The following ADAMTSL1 variants were observed in gnomAD, a reference collection of about 807,000 sequenced individuals.
ADAMTSL1 encodes the protein ADAMTS like 1.
In ADAMTSL1, 126 loss-of-function variants were observed where a neutral mutation model predicts 201.8. The observed-to-expected ratio is 0.62, with a 90% confidence interval of 0.54 to 0.72. The LOEUF (loss-of-function observed/expected upper bound fraction) is 0.72, where lower values mean the gene tolerates loss of function less well. Among genes scored for constraint, ADAMTSL1 ranks in the 30% least tolerant of loss-of-function variants. The pLI is 0.00. For synonymous variants in ADAMTSL1, 1,121 were observed against 903.4 expected (o/e 1.24, Z -4.32); for missense variants, 2,679 against 2,277.8 (o/e 1.18, Z -3.59).
intron 2 of ADAMTSL1, among the ~76,000 whole-genome samples, chr9:18,262,864 A>T (rs181530769): frequency 6.6e-6 from 1 of 152,240 alleles, no homozygotes; most frequent in Non-Finnish European, 1.5e-5. Flanking sequence ...TTGCACCAGG[A>T]TCCACACTGA....
chr9:18,414,064 G>A (rs1818567225), intron 2 of ADAMTSL1, among the ~76,000 whole-genome samples: 1 of 152,098 alleles, frequency 6.6e-6, no homozygotes. Flanking sequence ...GGTACAGCTG[G>A]TATTTTTAAT....
intron 2 of ADAMTSL1, among the ~76,000 whole-genome samples, chr9:18,186,822 A>G (rs1828755100): frequency 6.9e-6 from 1 of 144,796 alleles, no homozygotes; most frequent in Non-Finnish European, 1.5e-5. Context: ...GTGCCTTCTT[A>G]TCACTGTACA....
At position 18,776,842 on chromosome 9, in the gene ADAMTSL1, A is replaced by C. The variant is rs1549986; in HGVS notation, c.2613A>C (p.Ile871=). The change falls in exon 19 of 29, where the codon ATA becomes ATC. Residue 871 remains isoleucine, a synonymous_variant. Coordinates refer to ENST00000380548, the MANE Select transcript of ADAMTSL1 (RefSeq NM_001040272.6). ...PHIAAARKVY[I]QTRRQRKLHF... Reference sequence around the variant, plus strand: ...TCGCGGCCGCCAGGAAGGTCTACATACAGACTCGCAGGCAGAGGAAGCTGC... The same window carrying C: ...TCGCGGCCGCCAGGAAGGTCTACATCCAGACTCGCAGGCAGAGGAAGCTGC... 1,481,658 of 1,599,046 alleles carry C rather than the reference A, an allele frequency of 0.93. 686,968 individuals are homozygous for C. Among genetic ancestry groups the C allele is most frequent in the East Asian group, 1 (43,976 of 43,982 alleles).
intron 1 of ADAMTSL1, among the ~76,000 whole-genome samples, chr9:17,968,119 G>A (rs962654944): frequency 1.3e-5 from 2 of 152,066 alleles, no homozygotes; most frequent in African/African-American, 4.8e-5. Context: ...CTCTGAAATG[G>A]AACCTATGGA....
chr9:18,670,452 G>T (rs1179496976), intron 9 of ADAMTSL1, among the ~76,000 whole-genome samples: 1 of 152,158 alleles, frequency 6.6e-6, no homozygotes, highest in Non-Finnish European at 1.5e-5. Flanking sequence ...ACCCCCGCTT[G>T]CCTGAACAGC....
chr9:18,712,361 G>C (rs1832671154), intron 14 of ADAMTSL1, among the ~76,000 whole-genome samples: 1 of 152,002 alleles, frequency 6.6e-6, no homozygotes, highest in African/African-American at 2.4e-5. Context: ...AAAAGATTTA[G>C]AAGAATGTAT....
chr9:18,121,323 C>G (rs898209292), intron 1 of ADAMTSL1, among the ~76,000 whole-genome samples: 1 of 152,100 alleles, frequency 6.6e-6, no homozygotes, highest in African/African-American at 2.4e-5. Flanking sequence ...GACAGTTACA[C>G]CGACAAAAAA....
intron 1 of ADAMTSL1, among the ~76,000 whole-genome samples, chr9:18,027,182 CT>C (rs1820736986): frequency 6.6e-6 from 1 of 150,416 alleles, no homozygotes; most frequent in African/African-American, 2.4e-5. Context: ...TTCATTGGTC[CT>C]TTGTATAGAT....
chr9:18,495,472 C>T (rs185651187), intron 1 of ADAMTSL1, among the ~76,000 whole-genome samples: 46 of 152,262 alleles, frequency 3.0e-4, no homozygotes, highest in African/African-American at 1.0e-3. Context: ...AGCCCCAGAG[C>T]ACCTCCTAGA....
Position 18,777,553 on chromosome 9 carries a change from C to G in ADAMTSL1, c.3324C>G (p.Ile1108Met), listed in dbSNP as rs781580594. 5.0e-6 allele frequency: 8 copies of G among 1,605,374 alleles called. No individual in the cohort carries two copies. The East Asian group carries it at 6.8e-5, about 14-fold the overall frequency. Residue 1108 changes from isoleucine to methionine, a missense_variant, in exon 19 of 29, where the codon ATC becomes ATG. Ile to Met is a conservative substitution (Grantham distance 10). Transcript: ENST00000380548. ...KHLVAQLAQE[I>M]FRSHLEHQDT... ...TGGTGGCCCAGCTGGCCCAGGAGAT[C>G]TTCCGCAGCCACCTGGAGCACCAGG...
intron 1 of ADAMTSL1, among the ~76,000 whole-genome samples, chr9:17,999,904 G>T (rs4007670): frequency 9.4e-5 from 14 of 149,532 alleles, no homozygotes; most frequent in South Asian, 4.3e-4. Context: ...GATTTCCAAT[G>T]TCATCCATGT....
At chr9:18,687,663 G>C (rs1425020838) in intron 13 of ADAMTSL1, among the ~76,000 whole-genome samples, 2 of 152,214 alleles carry the variant, frequency 1.3e-5, no homozygotes, top group African/African-American at 4.8e-5. Context: ...AGCTTATGAA[G>C]ATAACCTTGT....
At chr9:18,145,646 T>C (rs1826607648) in intron 1 of ADAMTSL1, among the ~76,000 whole-genome samples, 1 of 152,172 alleles carries the variant, frequency 6.6e-6, no homozygotes, top group Admixed American at 6.6e-5. Flanking sequence ...TGCAAACCTA[T>C]GAAATTCCTT....
At position 18,619,423 on chromosome 9, in the gene ADAMTSL1, C is replaced by A. The variant is rs556358802; in HGVS notation, c.475-2820C>A. 2.3e-4 allele frequency among the ~76,000 whole-genome samples: 35 copies of A among 150,990 alleles called. No individual in the cohort carries two copies. The East Asian group carries it at 6.7e-3, about 29-fold the overall frequency. On this transcript the variant is annotated intron_variant, in intron 4 of 28. Coordinates refer to ENST00000380548, the MANE Select transcript of ADAMTSL1 (RefSeq NM_001040272.6). The stretch of plus-strand genomic sequence containing the variant: ...ACAGAGAAAAGGAAGAAAAAAAAAA[C>A]AATTGTGTCAGGGAGATGTTAGTCT...
At chr9:18,292,294 G>A (rs992559816) in intron 2 of ADAMTSL1, among the ~76,000 whole-genome samples, 1 of 152,108 alleles carries the variant, frequency 6.6e-6, no homozygotes, top group Non-Finnish European at 1.5e-5. Flanking sequence ...GTAATTGGCA[G>A]AGGCCTTGGC....
intron 4 of ADAMTSL1, among the ~76,000 whole-genome samples, chr9:18,584,499 A>G (rs552957382): frequency 8.1e-4 from 123 of 152,286 alleles, no homozygotes; most frequent in African/African-American, 2.8e-3. Flanking sequence ...TTTCCACTCA[A>G]TGGCAGAAAA....
intron 2 of ADAMTSL1, among the ~76,000 whole-genome samples, chr9:18,211,789 T>C (rs368271627): frequency 7.2e-5 from 11 of 152,210 alleles, no homozygotes; most frequent in African/African-American, 2.4e-4. Flanking sequence ...ACTTTACAAG[T>C]ATTGCTTCAA....
At chr9:18,146,712 A>G (rs568014808) in intron 1 of ADAMTSL1, among the ~76,000 whole-genome samples, 5 of 152,194 alleles carry the variant, frequency 3.3e-5, no homozygotes, top group African/African-American at 1.2e-4. Context: ...TTTGGTGAAC[A>G]TGCGGTCTTC....
At chr9:18,495,787 G>C (rs1360962816) in intron 1 of ADAMTSL1, among the ~76,000 whole-genome samples, 1 of 152,088 alleles carries the variant, frequency 6.6e-6, no homozygotes, top group East Asian at 1.9e-4. Context: ...ATACCTATTT[G>C]AGCTGGAGAA....
Sources: allele counts gnomAD v4.1 joint callset (sites outside exome capture counted in the v4.1 genomes callset), GRCh38; gene constraint gnomAD v4.1.1; transcripts MANE v1.5; gene names NCBI Gene and HGNC (gene_info 2026-07-23, HGNC 2026-07-21).